Variants in CXCR5 observed in about 807,000 individuals in gnomAD.
CXCR5 encodes the protein C-X-C chemokine receptor type 5.
Under a neutral mutation model 5.6 loss-of-function variants are expected in CXCR5, and 3 were observed. The observed-to-expected ratio is 0.54, with a 90% CI of 0.24 to 1.39. The LOEUF (loss-of-function observed/expected upper bound fraction) is 1.39. Among genes scored for constraint, CXCR5 ranks in the 40% most tolerant of loss-of-function variants. The pLI, the probability that CXCR5 is intolerant of heterozygous loss-of-function variation, is 0.16. For synonymous variants in CXCR5, 218 were observed against 219.9 expected (o/e 0.99, Z 0.08); for missense variants, 333 against 494.6 (o/e 0.67, Z 3.10).
At chr11:118,886,028 C>T (rs1362336494) in intron 1 of CXCR5, 1 of 275,424 alleles carries the variant, frequency 3.6e-6, no homozygotes, top group Non-Finnish European at 7.1e-6. Context: ...CCGCCCCCAC[C>T]CACTCACTGA....
At chr11:118,888,099 G>A (rs1939745156) in intron 1 of CXCR5, among the ~76,000 whole-genome samples, 1 of 152,140 alleles carries the variant, frequency 6.6e-6, no homozygotes, top group Admixed American at 6.5e-5. Flanking sequence ...AGGCAGGGCA[G>A]GACAGACAGA....
chr11:118,891,399 G>T (rs1355160718), intron 1 of CXCR5, among the ~76,000 whole-genome samples: 1 of 151,976 alleles, frequency 6.6e-6, no homozygotes, highest in Non-Finnish European at 1.5e-5. Context: ...GAGCGTAGCA[G>T]CATAATCATA....
intron 1 of CXCR5, among the ~76,000 whole-genome samples, chr11:118,885,649 C>T (rs750184366): frequency 1.3e-5 from 2 of 152,284 alleles, no homozygotes; most frequent in Non-Finnish European, 1.5e-5. Context: ...ACTGGAGACC[C>T]GGCGGGTCCC....
intron 1 of CXCR5, among the ~76,000 whole-genome samples, chr11:118,890,658 G>A (rs942587881): frequency 6.6e-6 from 1 of 152,014 alleles, no homozygotes; most frequent in African/African-American, 2.4e-5. Flanking sequence ...TGAAAGGTCA[G>A]AGGAATATAC....
At position 118,893,299 on chromosome 11, in the gene CXCR5, A is replaced by G. The variant is rs1007566158; in HGVS notation, c.52-297A>G. 2.9e-5 allele frequency: 22 copies of G among 754,890 alleles called. No individual in the cohort carries two copies. The highest frequency in any genetic ancestry group is 6.2e-5 in the Admixed American group (1 of 16,004). 46.8% of individuals were successfully genotyped at this position (754,890 alleles called of 1,614,324 possible). ...CCGCCAAGGCTGCAGGCTTCCGTACATGAGGACCCAAAAACACAAGCTGAC... is the reference window on the plus strand; with the variant it reads ...CCGCCAAGGCTGCAGGCTTCCGTACGTGAGGACCCAAAAACACAAGCTGAC... On this transcript the variant is annotated intron_variant, in intron 1 of 1. Coordinates refer to ENST00000292174, the MANE Select transcript of CXCR5 (RefSeq NM_001716.5). This position sits in a 1 kb window ranked among gnomAD's most constrained non-coding sequence, Gnocchi z 5.7.
rs1939841182 is a variant in CXCR5 at position 118,893,300 on chromosome 11, T to C, written c.52-296T>C. ...CGCCAAGGCTGCAGGCTTCCGTACA[T>C]GAGGACCCAAAAACACAAGCTGACT... is the stretch of plus-strand genomic sequence containing the variant. On this transcript the variant is annotated intron_variant, in intron 1 of 1. Transcript: ENST00000292174. The surrounding 1 kb of genome is among the most constrained non-coding windows in gnomAD (Gnocchi z 5.7). The C allele has an allele frequency of 1.3e-6, 1 of 766,302 alleles. No homozygotes were observed. Among genetic ancestry groups the C allele is most frequent in the Admixed American group, 6.2e-5 (1 of 16,006 alleles). The allele number at this position is 766,302 out of a possible 1,614,324, so 47.5% of individuals were successfully genotyped here. A position where few individuals can be genotyped will look rare whatever the true frequency, so the allele number is the denominator to read the frequency against.
intron 1 of CXCR5, among the ~76,000 whole-genome samples, chr11:118,885,473 C>A (rs575776305): frequency 6.6e-6 from 1 of 152,290 alleles, no homozygotes; most frequent in Non-Finnish European, 1.5e-5. Flanking sequence ...CTGGGCAATA[C>A]CCCAAATCAG....
chr11:118,890,885 T>C (rs561386302), intron 1 of CXCR5, among the ~76,000 whole-genome samples: 8 of 152,278 alleles, frequency 5.3e-5, no homozygotes, highest in African/African-American at 1.7e-4. Flanking sequence ...ACACACACAG[T>C]CATGGGTACT....
At position 118,893,261 on chromosome 11, in the gene CXCR5, C is replaced by T. The variant is rs930563135; in HGVS notation, c.52-335C>T. The stretch of plus-strand genomic sequence containing the variant: ...GCAGGTCCATTCCCCAAATTGAAGT[C>T]CTGTGACTCCAGCCGCCAAGGCTGC... On this transcript the variant is annotated intron_variant, in intron 1 of 1. Coordinates refer to ENST00000292174, the MANE Select transcript of CXCR5 (RefSeq NM_001716.5). The surrounding 1 kb of genome is among the most constrained non-coding windows in gnomAD (Gnocchi z 5.7). The T allele has an allele frequency of 2.3e-5, 8 of 354,054 alleles. No homozygotes were observed. Among genetic ancestry groups the T allele is most frequent in the East Asian group, 1.7e-4 (1 of 5,996 alleles). 21.9% of individuals were successfully genotyped at this position (354,054 alleles called of 1,614,324 possible). A position where few individuals can be genotyped will look rare whatever the true frequency, so the allele number is the denominator to read the frequency against.
rs11574669 is a variant in CXCR5 at position 118,893,589 on chromosome 11, C to G, written c.52-7C>G. On this transcript the variant is annotated splice_polypyrimidine_tract_variant and splice_region_variant and intron_variant, in intron 1 of 1. Transcript: ENST00000292174. The surrounding 1 kb of genome is among the most constrained non-coding windows in gnomAD (Gnocchi z 5.7). The stretch of plus-strand genomic sequence containing the variant: ...GTCCTCACCCTCCCGTCTCCTTGCC[C>G]TTGCAGTTCTGGGAACTGGACAGAT... The G allele has an allele frequency of 3.9e-3, 6,157 of 1,568,718 alleles. 195 individuals are homozygous for G. The African/African-American group carries it at 0.072, about 18-fold the overall frequency.
Position 118,895,859 on chromosome 11 carries a change from G to A in CXCR5, c.*1196G>A, listed in dbSNP as rs1411437353. 1 of 167,160 alleles carries A rather than the reference G, an allele frequency of 6.0e-6. No individual in the cohort carries two copies. The highest frequency in any genetic ancestry group is 6.5e-5 in the Admixed American group (1 of 15,292). The allele number at this position is 167,160 out of a possible 1,614,324, so 10.4% of individuals were successfully genotyped here. ...CCGTGCTTGTTTGCTCACCTGGGGT[G>A]TGGGAGGCCCGTCCGGCAGTTCTGG... On this transcript the variant is annotated 3_prime_UTR_variant, in exon 2 of 2. Transcript: ENST00000292174. This position sits in a 1 kb window ranked among gnomAD's most constrained non-coding sequence, Gnocchi z 4.2.
At chr11:118,892,213 G>T (rs1191236723) in intron 1 of CXCR5, among the ~76,000 whole-genome samples, 1 of 152,146 alleles carries the variant, frequency 6.6e-6, no homozygotes. Flanking sequence ...CCTTCTCACA[G>T]ACCCTCATTC....
chr11:118,894,586 C>T lies in CXCR5; in HGVS notation c.1042C>T (p.Leu348=). 1 of 1,530,000 alleles carries T rather than the reference C, an allele frequency of 6.5e-7. No homozygotes were observed. Among genetic ancestry groups the T allele is most frequent in the African/African-American group, 1.4e-5 (1 of 72,418 alleles). The allele number at this position is 1,530,000 out of a possible 1,614,324, so 94.8% of individuals were successfully genotyped here. The change falls in exon 2 of 2, where the codon CTG becomes TTG. Residue 348 remains leucine (L), a synonymous_variant. Coordinates refer to ENST00000292174, the MANE Select transcript of CXCR5 (RefSeq NM_001716.5). The surrounding 1 kb of genome is among the most constrained non-coding windows in gnomAD (Gnocchi z 6.1). The part of the protein sequence containing the change: ...TKLGCTGPAS[L]CQLFPSWRRS... Reference sequence around the variant, plus strand: ...GCTGGGCTGTACCGGCCCTGCCTCCCTGTGCCAGCTCTTCCCTAGCTGGCG... The same window carrying T: ...GCTGGGCTGTACCGGCCCTGCCTCCTTGTGCCAGCTCTTCCCTAGCTGGCG...
intron 1 of CXCR5, among the ~76,000 whole-genome samples, chr11:118,889,818 G>A (rs1019610010): frequency 6.6e-6 from 1 of 152,184 alleles, no homozygotes. Context: ...GGAGATGGGA[G>A]CCCTAGGGAG....
In CXCR5 at chr11:118,893,500, C is replaced by T. The variant is rs1338770926; in HGVS notation, c.52-96C>T. 1.3e-6 allele frequency: 2 copies of T among 1,493,722 alleles called. No homozygotes were observed. Among genetic ancestry groups the T allele is most frequent in the African/African-American group, 1.4e-5 (1 of 71,324 alleles). The allele number at this position is 1,493,722 out of a possible 1,614,324, so 92.5% of individuals were successfully genotyped here. ...AAACTTGACATTTGGTCAGTGGGCC[C>T]TATGTAGGAAAAAACCTCCAAGAGA... On this transcript the variant is annotated intron_variant, in intron 1 of 1. Coordinates refer to ENST00000292174, the MANE Select transcript of CXCR5 (RefSeq NM_001716.5). This position sits in a 1 kb window ranked among gnomAD's most constrained non-coding sequence, Gnocchi z 5.7.
In CXCR5 at chr11:118,894,763, T is replaced by A; in HGVS notation, c.*100T>A. 8.1e-7 allele frequency: 1 copy of A among 1,241,554 alleles called. No individual in the cohort carries two copies. Among genetic ancestry groups the A allele is most frequent in the Non-Finnish European group, 1.1e-6 (1 of 916,482 alleles). 76.9% of individuals were successfully genotyped at this position (1,241,554 alleles called of 1,614,324 possible). ...TGGGATCCTAAGGGCTCACCGTGGC[T>A]AAGAGTGTCCTAGGAGTATCCTCAT... On this transcript the variant is annotated 3_prime_UTR_variant, in exon 2 of 2. Transcript: ENST00000292174. The surrounding 1 kb of genome is among the most constrained non-coding windows in gnomAD (Gnocchi z 6.1).
rs560038471 is a variant in CXCR5 at position 118,890,320 on chromosome 11, G to T, written c.52-3276G>T. ...CACACGTCTGTCCTACGTAAAACACGTGGCCTTGGGAGGGGGACACAGAAG... is the reference window on the plus strand; with the variant it reads ...CACACGTCTGTCCTACGTAAAACACTTGGCCTTGGGAGGGGGACACAGAAG... On this transcript the variant is annotated intron_variant, in intron 1 of 1. Coordinates refer to ENST00000292174, the MANE Select transcript of CXCR5 (RefSeq NM_001716.5). 2.6e-5 allele frequency among the ~76,000 whole-genome samples: 4 copies of T among 152,198 alleles called. No individual in the cohort carries two copies. In the South Asian group the frequency reaches 6.2e-4, roughly 24 times the overall value.
rs1206847392 is a variant in CXCR5, at chr11:118,894,807, C to T, written c.*144C>T. 5.7e-6 allele frequency: 4 copies of T among 704,734 alleles called. No individual in the cohort carries two copies. The highest frequency in any genetic ancestry group is 8.4e-6 in the Non-Finnish European group (4 of 473,596). 43.7% of individuals were successfully genotyped at this position (704,734 alleles called of 1,614,324 possible). Reference sequence around the variant, plus strand: ...TCCTCATTTGGGGTAGCTAGAGGAACCAACCCCCATTTCTAGAACATCCCT... The same window carrying T: ...TCCTCATTTGGGGTAGCTAGAGGAATCAACCCCCATTTCTAGAACATCCCT... On this transcript the variant is annotated 3_prime_UTR_variant, in exon 2 of 2. Coordinates refer to ENST00000292174, the MANE Select transcript of CXCR5 (RefSeq NM_001716.5). This position sits in a 1 kb window ranked among gnomAD's most constrained non-coding sequence, Gnocchi z 6.1.
intron 1 of CXCR5, among the ~76,000 whole-genome samples, chr11:118,885,410 G>A (rs928744658): frequency 6.6e-6 from 1 of 152,230 alleles, no homozygotes; most frequent in African/African-American, 2.4e-5. Flanking sequence ...AGGCCCCCGT[G>A]TGACTGCCCC....
Sources: allele counts gnomAD v4.1 joint callset (sites outside exome capture counted in the v4.1 genomes callset), GRCh38; gene constraint gnomAD v4.1.1; non-coding constraint Gnocchi (gnomAD v3.1); transcripts MANE v1.5; gene names NCBI Gene and HGNC (gene_info 2026-07-23, HGNC 2026-07-21).